Variants in DIAPH3 observed in about 807,000 individuals in gnomAD.
DIAPH3 encodes the protein diaphanous related formin 3.
Under a neutral mutation model 144.3 loss-of-function variants are expected in DIAPH3, and 117 were observed. The ratio of observed to expected loss-of-function variants is 0.81; its 90% CI spans 0.70 to 0.95. The LOEUF is 0.95. DIAPH3 is among the 40% of genes least tolerant of loss of function. The pLI is 0.00. For missense variants in DIAPH3, 1,421 were observed against 1,412.7 expected, an observed-to-expected ratio of 1.01 and a Z score of -0.09; for synonymous variants, 519 against 488.9, an observed-to-expected ratio of 1.06 and a Z score of -0.81.
chr13:60,057,811 A>G (rs1158767932), intron 4 of DIAPH3, among the ~76,000 whole-genome samples: 1 of 152,062 alleles, frequency 6.6e-6, no homozygotes, highest in African/African-American at 2.4e-5. Context: ...ACCTTATTCA[A>G]TAAATAGTGC....
At chr13:59,717,515 A>G (rs978382913) in intron 27 of DIAPH3, among the ~76,000 whole-genome samples, 1 of 152,186 alleles carries the variant, frequency 6.6e-6, no homozygotes, top group Admixed American at 6.5e-5. Flanking sequence ...CAGTGTGTAC[A>G]GTCTGACCAC....
chr13:59,760,373 T>TAA (rs2037514274), intron 27 of DIAPH3, among the ~76,000 whole-genome samples: 2 of 152,198 alleles, frequency 1.3e-5, no homozygotes, highest in East Asian at 3.8e-4. Flanking sequence ...TAACAACTCT[T>TAA]CAGAGTAACT....
chr13:60,151,608 G>A (rs1348000417), intron 1 of DIAPH3, among the ~76,000 whole-genome samples: 1 of 152,178 alleles, frequency 6.6e-6, no homozygotes, highest in East Asian at 1.9e-4. Flanking sequence ...ACTTTGTTTT[G>A]ATTTTCAATT....
chr13:59,948,627 G>A (rs1031819350), intron 17 of DIAPH3, among the ~76,000 whole-genome samples: 17 of 152,056 alleles, frequency 1.1e-4, no homozygotes, highest in African/African-American at 3.4e-4. Flanking sequence ...GTGTTTTTTC[G>A]TATATATGTT....
At chr13:59,680,070 C>G (rs2032859357) in intron 27 of DIAPH3, among the ~76,000 whole-genome samples, 1 of 152,072 alleles carries the variant, frequency 6.6e-6, no homozygotes, top group Admixed American at 6.5e-5. Flanking sequence ...GTTTCTTGGT[C>G]ACAAGCAGCA....
intron 17 of DIAPH3, among the ~76,000 whole-genome samples, chr13:59,962,910 A>G (rs1484861713): frequency 6.6e-6 from 1 of 152,186 alleles, no homozygotes; most frequent in Non-Finnish European, 1.5e-5. Flanking sequence ...TTTTGAAAGT[A>G]TATGTGAATT....
At chr13:59,782,971 C>T (rs965957559) in intron 25 of DIAPH3, among the ~76,000 whole-genome samples, 4 of 152,110 alleles carry the variant, frequency 2.6e-5, no homozygotes, top group African/African-American at 9.7e-5. Flanking sequence ...CCGGGGCCAA[C>T]TCACCAAGGG....
intron 24 of DIAPH3, among the ~76,000 whole-genome samples, chr13:59,812,114 G>T (rs555980397): frequency 2.6e-5 from 4 of 152,220 alleles, no homozygotes; most frequent in African/African-American, 9.6e-5. Context: ...CTTTACTGTG[G>T]TATTCTTTAT....
At chr13:59,867,069 A>G (rs2043968461) in intron 21 of DIAPH3, among the ~76,000 whole-genome samples, 1 of 148,210 alleles carries the variant, frequency 6.7e-6, no homozygotes, top group African/African-American at 2.4e-5. Context: ...TTATTTATAT[A>G]TATAAATATT....
chr13:60,045,658 G>A (rs1246574132), intron 4 of DIAPH3, among the ~76,000 whole-genome samples: 1 of 152,032 alleles, frequency 6.6e-6, no homozygotes, highest in Non-Finnish European at 1.5e-5. Context: ...GTGCTGTCAG[G>A]CCAATATTTT....
intron 24 of DIAPH3, among the ~76,000 whole-genome samples, chr13:59,821,796 T>C (rs1432247706): frequency 6.6e-6 from 1 of 152,194 alleles, no homozygotes; most frequent in East Asian, 1.9e-4. Context: ...GAACATGATA[T>C]ACTGTGCTCT....
intron 27 of DIAPH3, among the ~76,000 whole-genome samples, chr13:59,745,103 T>C (rs555930772): frequency 1.2e-4 from 19 of 152,302 alleles, no homozygotes; most frequent in Non-Finnish European, 2.4e-4. Flanking sequence ...AAGGAAGAAT[T>C]TAAAAACTTG....
chr13:59,966,655 T>C (rs1371616451), intron 17 of DIAPH3, among the ~76,000 whole-genome samples: 2 of 152,164 alleles, frequency 1.3e-5, no homozygotes, highest in Non-Finnish European at 2.9e-5. Flanking sequence ...AAATAAAGTC[T>C]ACATGACAGA....
intron 12 of DIAPH3, among the ~76,000 whole-genome samples, chr13:59,987,475 T>TAAAAAAAAA (rs201333360): frequency 1.4e-5 from 1 of 70,176 alleles, no homozygotes; most frequent in African/African-American, 4.6e-5. Context: ...TAAAGTATAA[T>TAAAAAAAAA]AAAAAAAAAA....
chr13:59,846,874 G>A (rs1048780324), intron 22 of DIAPH3, among the ~76,000 whole-genome samples: 1 of 152,182 alleles, frequency 6.6e-6, no homozygotes, highest in Admixed American at 6.5e-5. Flanking sequence ...CCAGGGGTTT[G>A]AGACCAGACT....
At chr13:60,005,727 C>T (rs1316667192) in intron 9 of DIAPH3, among the ~76,000 whole-genome samples, 9 of 152,170 alleles carry the variant, frequency 5.9e-5, no homozygotes, top group South Asian at 2.1e-4. Context: ...ATGATCTGCC[C>T]GCCTTGGCCT....
In DIAPH3 at chr13:59,850,332, C is replaced by T. The variant is rs566160947; in HGVS notation, c.2738-10884G>A. ...TTATTTCCTTCTCCTGCCTGATTGG[C>T]CTGGCCAGAACTTCCAACACTATGT... On this transcript the variant is annotated intron_variant, in intron 22 of 27. Coordinates refer to ENST00000400324, the MANE Select transcript of DIAPH3 (RefSeq NM_001042517.2). Among the ~76,000 whole-genome samples the T allele has an allele frequency of 2.5e-3, 372 of 150,738 alleles. 1 individual carries two copies. The highest frequency in any genetic ancestry group is 8.5e-3 in the African/African-American group (351 of 41,138).
chr13:59,850,127 G>A (rs571850849), intron 22 of DIAPH3, among the ~76,000 whole-genome samples: 1,591 of 151,814 alleles, frequency 0.01, 15 homozygotes, highest in African/African-American at 0.036. Context: ...TTTGTCTGTT[G>A]TTGGTGTATA....
chr13:60,010,304 G>A (rs909933935), intron 8 of DIAPH3, among the ~76,000 whole-genome samples: 1 of 151,876 alleles, frequency 6.6e-6, no homozygotes, highest in Non-Finnish European at 1.5e-5. Context: ...ATATGATAAG[G>A]AAATCAGTTT....
Sources: gnomAD v4.1 joint callset for allele counts (sites outside exome capture counted in the v4.1 genomes callset) on GRCh38, gnomAD v4.1.1 for gene constraint, MANE v1.5 for transcripts, NCBI Gene and HGNC (gene_info 2026-07-23, HGNC 2026-07-21) for gene names.